The following SLC24A3 variants were observed in gnomAD, a reference collection of about 807,000 sequenced individuals.
SLC24A3 encodes sodium/potassium/calcium exchanger 3.
SLC24A3 carries 28 observed loss-of-function variants against 75.8 expected under a neutral mutation model. That is an observed-to-expected ratio of 0.37 (90% CI 0.27 to 0.51). The LOEUF is 0.51. SLC24A3 is among the 20% of genes least tolerant of loss of function. SLC24A3 has a pLI of 0.94. For missense variants in SLC24A3, 663 were observed against 847.8 expected (o/e 0.78, Z 2.71); for synonymous variants, 372 against 334.1 (o/e 1.11, Z -1.24).
At chr20:19,516,340 A>G (rs1304046840) in intron 3 of SLC24A3, among the ~76,000 whole-genome samples, 2 of 152,180 alleles carry the variant, frequency 1.3e-5, no homozygotes, top group Non-Finnish European at 2.9e-5. Context: ...ATTCTCGACT[A>G]GGTACATTAC....
At chr20:19,342,898 G>A (rs976123627) in intron 2 of SLC24A3, among the ~76,000 whole-genome samples, 16 of 151,786 alleles carry the variant, frequency 1.1e-4, no homozygotes, top group Admixed American at 2.6e-4. Flanking sequence ...GTGAAACCCC[G>A]TCTCTACTAA....
intron 2 of SLC24A3, among the ~76,000 whole-genome samples, chr20:19,498,590 C>T (rs1337872900): frequency 6.6e-6 from 1 of 152,208 alleles, no homozygotes; most frequent in African/African-American, 2.4e-5. Context: ...CCTCACTTCC[C>T]ACTCACTGTC....
At chr20:19,480,719 AG>A (rs34532944) in intron 2 of SLC24A3, among the ~76,000 whole-genome samples, 15,181 of 152,174 alleles carry the variant, frequency 0.1, 812 homozygotes, top group Admixed American at 0.1. Flanking sequence ...TCTTGCAGAA[AG>A]GGGGAAGTTC....
At chr20:19,454,241 C>T (rs149164275) in intron 2 of SLC24A3, among the ~76,000 whole-genome samples, 7 of 152,230 alleles carry the variant, frequency 4.6e-5, no homozygotes, top group Admixed American at 4.6e-4. Context: ...TCAGAGTAGC[C>T]GGGGAAGACC....
rs1288646995 is a variant in SLC24A3, at chr20:19,721,277, T to C, written c.*137T>C. The stretch of plus-strand genomic sequence containing the variant: ...TGTCCTCAGGCCTCCGCTCCTGTTT[T>C]GGTGGCCCAGGCTCTCCCCTGACCC... On this transcript the variant is annotated 3_prime_UTR_variant, in exon 17 of 17. Transcript: ENST00000328041. The C allele has an allele frequency of 1.2e-5, 14 of 1,173,364 alleles. No homozygotes were observed. The highest frequency in any genetic ancestry group is 2.4e-5 in the Admixed American group (1 of 42,114). The allele number at this position is 1,173,364 out of a possible 1,614,324, so 72.7% of individuals were successfully genotyped here. A position where few individuals can be genotyped will look rare whatever the true frequency, so the allele number is the denominator to read the frequency against.
chr20:19,633,508 G>A (rs1178720111), intron 6 of SLC24A3, among the ~76,000 whole-genome samples: 5 of 151,810 alleles, frequency 3.3e-5, no homozygotes, highest in African/African-American at 1.2e-4. Context: ...AATTAGCCGG[G>A]CGTAGTGGCG....
intron 2 of SLC24A3, among the ~76,000 whole-genome samples, chr20:19,439,523 A>G (rs956537845): frequency 6.6e-6 from 1 of 152,208 alleles, no homozygotes; most frequent in African/African-American, 2.4e-5. Flanking sequence ...TTTATATCCC[A>G]TGTAACTCCA....
At chr20:19,549,892 A>G (rs572505875) in intron 3 of SLC24A3, among the ~76,000 whole-genome samples, 7 of 152,372 alleles carry the variant, frequency 4.6e-5, no homozygotes, top group Admixed American at 4.6e-4. Context: ...AAAGAATATG[A>G]TGCAGGTCAT....
At chr20:19,227,961 G>A (rs1981915027) in intron 1 of SLC24A3, among the ~76,000 whole-genome samples, 1 of 151,668 alleles carries the variant, frequency 6.6e-6, no homozygotes, top group African/African-American at 2.4e-5. Context: ...GATTCTTTTT[G>A]TTCATAGTGT....
At chr20:19,674,965 G>A (rs1012861089) in intron 9 of SLC24A3, among the ~76,000 whole-genome samples, 9 of 152,274 alleles carry the variant, frequency 5.9e-5, no homozygotes, top group South Asian at 2.1e-4. Flanking sequence ...CAGGAGAATC[G>A]CTGGAACCCG....
At chr20:19,358,840 T>C (rs1985736237) in intron 2 of SLC24A3, among the ~76,000 whole-genome samples, 1 of 152,262 alleles carries the variant, frequency 6.6e-6, no homozygotes, top group Non-Finnish European at 1.5e-5. Flanking sequence ...TAGTCTAGAT[T>C]GGATATTTCA....
chr20:19,721,193 C>A lies in SLC24A3; in HGVS notation c.*53C>A. 6.2e-7 allele frequency: 1 copy of A among 1,600,168 alleles called. No homozygotes were observed. Among genetic ancestry groups the A allele is most frequent in the Non-Finnish European group, 8.5e-7 (1 of 1,174,448 alleles). On this transcript the variant is annotated 3_prime_UTR_variant, in exon 17 of 17. Transcript: ENST00000328041. ...TCCTTCTTTTCTGTGCAATACGAGA[C>A]CCGGCCGCACCCCGAGTCACACAGG...
At chr20:19,572,763 T>G (rs1051772105) in intron 3 of SLC24A3, among the ~76,000 whole-genome samples, 1 of 152,172 alleles carries the variant, frequency 6.6e-6, no homozygotes, top group Non-Finnish European at 1.5e-5. Context: ...GTGACTAGAA[T>G]CAATGAATGG....
At chr20:19,386,087 A>G (rs1986268317) in intron 2 of SLC24A3, among the ~76,000 whole-genome samples, 1 of 151,766 alleles carries the variant, frequency 6.6e-6, no homozygotes, top group Non-Finnish European at 1.5e-5. Flanking sequence ...TGTATTTTTC[A>G]TTTTTTTCAG....
At chr20:19,345,295 A>T (rs571853629) in intron 2 of SLC24A3, among the ~76,000 whole-genome samples, 1 of 152,242 alleles carries the variant, frequency 6.6e-6, no homozygotes, top group Non-Finnish European at 1.5e-5. Flanking sequence ...TTCCATGTTC[A>T]TGAATAGGAA....
chr20:19,605,681 G>A (rs115288534), intron 6 of SLC24A3, among the ~76,000 whole-genome samples: 162 of 152,176 alleles, frequency 1.1e-3, no homozygotes, highest in African/African-American at 3.7e-3. Context: ...CTGATTTTTC[G>A]ACGTCTTCCC....
intron 2 of SLC24A3, among the ~76,000 whole-genome samples, chr20:19,322,135 G>A (rs1459333056): frequency 6.6e-6 from 1 of 152,094 alleles, no homozygotes; most frequent in African/African-American, 2.4e-5. Flanking sequence ...CCACCAGGTT[G>A]ATGCTTTGTC....
chr20:19,393,370 T>G (rs1986398232), intron 2 of SLC24A3, among the ~76,000 whole-genome samples: 1 of 152,058 alleles, frequency 6.6e-6, no homozygotes, highest in Non-Finnish European at 1.5e-5. Context: ...CCACTGGAAA[T>G]CCTAATCAGA....
intron 8 of SLC24A3, among the ~76,000 whole-genome samples, chr20:19,666,185 G>T (rs563873957): frequency 6.6e-6 from 1 of 152,142 alleles, no homozygotes. Context: ...TCTACAGTCA[G>T]CCATGTGCTA....
Sources: gnomAD v4.1 joint callset for allele counts (sites outside exome capture counted in the v4.1 genomes callset) on GRCh38, gnomAD v4.1.1 for gene constraint, MANE v1.5 for transcripts, NCBI Gene and HGNC (gene_info 2026-07-23, HGNC 2026-07-21) for gene names.